Variants in ARMC8 observed in about 807,000 individuals in gnomAD.
The protein encoded by ARMC8 is armadillo repeat-containing protein 8.
In ARMC8, 20 loss-of-function variants were observed where a neutral mutation model predicts 99.3. The ratio of observed to expected loss-of-function variants is 0.20; its 90% CI spans 0.14 to 0.29. The LOEUF (loss-of-function observed/expected upper bound fraction) is 0.29, where lower values mean the gene tolerates loss of function less well. Ranked by LOEUF, ARMC8 falls within the 10% of genes least tolerant of loss-of-function variation. The pLI, the probability that ARMC8 is intolerant of heterozygous loss-of-function variation, is 1.00. For synonymous variants in ARMC8, 263 were observed against 278.3 expected, an observed-to-expected ratio of 0.95 and a Z score of 0.55; for missense variants, 569 against 809.5, an observed-to-expected ratio of 0.70 and a Z score of 3.60.
intron 19 of ARMC8, chr3:138,287,659 A>G (rs1483059438): frequency 2.2e-6 from 1 of 456,592 alleles, no homozygotes; most frequent in African/African-American, 2.0e-5. Flanking sequence ...TCTCCTTAAA[A>G]GTGTTGGCAG....
chr3:138,210,277 C>T lies in ARMC8; in HGVS notation c.122+384C>T, dbSNP rs1486239293. On this transcript the variant is annotated intron_variant, in intron 2 of 21. Transcript: ENST00000469044. ...TTTGCTTTGTTTTGTTTTTGGTTAACTCATTAACTGTCACCAAGATTGAGT... is the reference window on the plus strand; with the variant it reads ...TTTGCTTTGTTTTGTTTTTGGTTAATTCATTAACTGTCACCAAGATTGAGT... Among the ~76,000 whole-genome samples the T allele has an allele frequency of 2.0e-5, 3 of 152,128 alleles. No individual in the cohort carries two copies. The South Asian group carries it at 6.2e-4, about 31-fold the overall frequency.
intron 20 of ARMC8, among the ~76,000 whole-genome samples, chr3:138,290,268 A>T (rs1180427533): frequency 1.3e-5 from 2 of 152,152 alleles, no homozygotes; most frequent in African/African-American, 2.4e-5. Context: ...AGGCTGAAGA[A>T]TCTCACCTTG....
At chr3:138,212,016 A>G (rs1028472079) in intron 2 of ARMC8, among the ~76,000 whole-genome samples, 3 of 152,226 alleles carry the variant, frequency 2.0e-5, no homozygotes, top group African/African-American at 7.2e-5. Context: ...AACTCAGACA[A>G]GAGAATGTGA....
chr3:138,215,437 C>T (rs1228807197), intron 2 of ARMC8, among the ~76,000 whole-genome samples: 1 of 152,014 alleles, frequency 6.6e-6, no homozygotes, highest in African/African-American at 2.4e-5. Flanking sequence ...AGGATGGTCT[C>T]GATCTCCTGA....
At chr3:138,293,008 A>G (rs2051119094) in intron 21 of ARMC8, among the ~76,000 whole-genome samples, 1 of 152,140 alleles carries the variant, frequency 6.6e-6, no homozygotes, top group African/African-American at 2.4e-5. Flanking sequence ...ATGTCCTCCA[A>G]AAAGCCTTGC....
At chr3:138,214,512 A>G (rs1384106309) in intron 2 of ARMC8, among the ~76,000 whole-genome samples, 3 of 152,184 alleles carry the variant, frequency 2.0e-5, no homozygotes, top group Non-Finnish European at 4.4e-5. Context: ...ATTTTCTTGC[A>G]TGAGCTAAAG....
intron 18 of ARMC8, among the ~76,000 whole-genome samples, chr3:138,278,630 A>T (rs1329036417): frequency 6.6e-6 from 1 of 152,286 alleles, no homozygotes; most frequent in East Asian, 1.9e-4. Context: ...ATCGTATTGT[A>T]TTTATAAATA....
intron 2 of ARMC8, among the ~76,000 whole-genome samples, chr3:138,218,054 G>T (rs2045175040): frequency 6.6e-6 from 1 of 152,158 alleles, no homozygotes; most frequent in African/African-American, 2.4e-5. Flanking sequence ...TTGAGTGCCT[G>T]CCTAGTACCA....
Position 138,244,974 on chromosome 3 carries a change from G to A in ARMC8, c.1039-114G>A, listed in dbSNP as rs3773765. ...TAACTGGGAAATGTAGTTAATGACTGGGAAATTCACTAAAATCTAAAAGTT... is the reference window on the plus strand; with the variant it reads ...TAACTGGGAAATGTAGTTAATGACTAGGAAATTCACTAAAATCTAAAAGTT... On this transcript the variant is annotated intron_variant, in intron 11 of 21. Coordinates refer to ENST00000469044, the MANE Select transcript of ARMC8 (RefSeq NM_001363941.2). 1.5e-4 allele frequency: 197 copies of A among 1,284,348 alleles called. 3 individuals carry two copies. In the East Asian group the frequency reaches 4.8e-3, roughly 31 times the overall value. 79.6% of individuals were successfully genotyped at this position (1,284,348 alleles called of 1,614,324 possible). A position where few individuals can be genotyped will look rare whatever the true frequency, so the allele number is the denominator to read the frequency against.
rs996953426 is a variant in ARMC8 at position 138,296,789 on chromosome 3, G to T, written c.*897G>T. On this transcript the variant is annotated 3_prime_UTR_variant, in exon 22 of 22. Transcript: ENST00000469044. ...GGAAATATAACTACTGATAGTGAAAGCCCAGCCATGACCCAGATGGGCTTA... is the reference window on the plus strand; with the variant it reads ...GGAAATATAACTACTGATAGTGAAATCCCAGCCATGACCCAGATGGGCTTA... The T allele has an allele frequency of 3.9e-5, 6 of 152,198 alleles. No homozygotes were observed. Among genetic ancestry groups the T allele is most frequent in the African/African-American group, 1.2e-4 (5 of 41,444 alleles). 9.4% of individuals were successfully genotyped at this position (152,198 alleles called of 1,614,324 possible).
At chr3:138,225,658 T>C (rs1333107621) in intron 5 of ARMC8, among the ~76,000 whole-genome samples, 1 of 152,264 alleles carries the variant, frequency 6.6e-6, no homozygotes, top group African/African-American at 2.4e-5. Context: ...ACAGATGTAA[T>C]GCCCTCTGGT....
At chr3:138,197,499 C>T (rs927228799) in intron 1 of ARMC8, among the ~76,000 whole-genome samples, 1 of 152,188 alleles carries the variant, frequency 6.6e-6, no homozygotes, top group Non-Finnish European at 1.5e-5. Context: ...GCCAGGACAA[C>T]ACCTCACCCA....
chr3:138,224,048 C>T (rs2045552823), intron 5 of ARMC8, among the ~76,000 whole-genome samples: 1 of 151,268 alleles, frequency 6.6e-6, no homozygotes, highest in Non-Finnish European at 1.5e-5. Context: ...AACCTTCACC[C>T]TGCCAGGTTT....
At chr3:138,195,477 A>G (rs1335610554) in intron 1 of ARMC8, among the ~76,000 whole-genome samples, 1 of 152,224 alleles carries the variant, frequency 6.6e-6, no homozygotes, top group Non-Finnish European at 1.5e-5. Flanking sequence ...TAAACTCTGC[A>G]AAGAATCAGA....
intron 1 of ARMC8, among the ~76,000 whole-genome samples, chr3:138,195,760 C>A (rs1026954295): frequency 1.3e-5 from 2 of 151,450 alleles, no homozygotes; most frequent in African/African-American, 2.4e-5. Flanking sequence ...AACAGTAGTG[C>A]TATGATCCCT....
chr3:138,211,356 G>A (rs2044686719), intron 2 of ARMC8, among the ~76,000 whole-genome samples: 1 of 152,202 alleles, frequency 6.6e-6, no homozygotes, highest in Admixed American at 6.5e-5. Context: ...GGAGAAAGCT[G>A]TTTAGTAATC....
chr3:138,278,073 A>G (rs1018643554), intron 18 of ARMC8, among the ~76,000 whole-genome samples: 1 of 152,238 alleles, frequency 6.6e-6, no homozygotes, highest in African/African-American at 2.4e-5. Context: ...GAGACAGAGA[A>G]CAAATCAAAG....
At chr3:138,284,373 C>T (rs2050208154) in intron 18 of ARMC8, 58 bp from the exon 19 acceptor site, 1 of 1,359,690 alleles carries the variant, frequency 7.4e-7, no homozygotes, top group Non-Finnish European at 1.0e-6. Context: ...GCTCTTGAGA[C>T]AGCTTGACTC....
intron 12 of ARMC8, among the ~76,000 whole-genome samples, chr3:138,257,799 A>G (rs184191457): frequency 2.0e-5 from 3 of 152,300 alleles, no homozygotes; most frequent in Non-Finnish European, 4.4e-5. Flanking sequence ...ATCCGCACCC[A>G]GCAGGTCCAG....
Sources: allele counts gnomAD v4.1 joint callset (sites outside exome capture counted in the v4.1 genomes callset), GRCh38; gene constraint gnomAD v4.1.1; transcripts MANE v1.5; gene names NCBI Gene and HGNC (gene_info 2026-07-23, HGNC 2026-07-21).